Variants in HCRTR2 observed in about 807,000 individuals in gnomAD.
The protein encoded by HCRTR2 is orexin receptor type 2.
In HCRTR2, 22 loss-of-function variants were observed where a neutral mutation model predicts 49.0. The ratio of observed to expected loss-of-function variants is 0.45; its 90% CI spans 0.32 to 0.64. HCRTR2 has a LOEUF of 0.64. Among genes scored for constraint, HCRTR2 ranks in the 30% least tolerant of loss-of-function variants. The pLI, the probability that HCRTR2 is intolerant of heterozygous loss-of-function variation, is 0.04. For missense variants in HCRTR2, 491 were observed against 559.4 expected (o/e 0.88, Z 1.23); for synonymous variants, 236 against 205.3 (o/e 1.15, Z -1.28).
chr6:55,246,598 T>C (rs1766448130), intron 1 of HCRTR2, among the ~76,000 whole-genome samples: 1 of 152,030 alleles, frequency 6.6e-6, no homozygotes, highest in Admixed American at 6.6e-5. Flanking sequence ...TCCTTTTCAT[T>C]TTCTGCTTCA....
chr6:55,179,166 G>A (rs562154518), intron 1 of HCRTR2, among the ~76,000 whole-genome samples: 1 of 152,178 alleles, frequency 6.6e-6, no homozygotes, highest in African/African-American at 2.4e-5. Context: ...TTACTCCTAA[G>A]CCTAGAGACA....
chr6:55,221,768 A>G (rs1021341249), intron 1 of HCRTR2, among the ~76,000 whole-genome samples: 3 of 151,484 alleles, frequency 2.0e-5, no homozygotes, highest in Non-Finnish European at 4.4e-5. Flanking sequence ...AGGTGAGATC[A>G]CGCCACTGCA....
intron 1 of HCRTR2, among the ~76,000 whole-genome samples, chr6:55,180,268 T>C (rs116116626): frequency 0.019 from 2,858 of 152,342 alleles, 45 homozygotes; most frequent in Middle Eastern, 0.058. Flanking sequence ...GTTTCAAATA[T>C]GGATTTAACA....
intron 4 of HCRTR2, among the ~76,000 whole-genome samples, chr6:55,267,150 G>A (rs1339487267): frequency 6.6e-6 from 1 of 152,128 alleles, no homozygotes; most frequent in Admixed American, 6.6e-5. Flanking sequence ...CCAACTGTTA[G>A]TGTCTATAAA....
At chr6:55,273,271 C>T (rs1419590964) in intron 4 of HCRTR2, among the ~76,000 whole-genome samples, 2 of 151,826 alleles carry the variant, frequency 1.3e-5, no homozygotes, top group Non-Finnish European at 2.9e-5. Flanking sequence ...CATAGAAGAC[C>T]GCCAGTGCCT....
chr6:55,203,870 A>C (rs1370946646), intron 1 of HCRTR2, among the ~76,000 whole-genome samples: 1 of 151,420 alleles, frequency 6.6e-6, no homozygotes, highest in Non-Finnish European at 1.5e-5. Flanking sequence ...GTAAGGACTT[A>C]AGGTTTTTTT....
intron 1 of HCRTR2, among the ~76,000 whole-genome samples, chr6:55,165,744 AATATATATATATATATATATATAT>A (rs56655240): frequency 0.028 from 3,596 of 128,472 alleles, 106 homozygotes; most frequent in African/African-American, 0.056. Flanking sequence ...TAGTATACAG[AATATATATATATATATATATATAT>A]ATATATATAT....
chr6:55,223,660 G>A (rs1164992656), intron 1 of HCRTR2, among the ~76,000 whole-genome samples: 1 of 151,870 alleles, frequency 6.6e-6, no homozygotes, highest in Non-Finnish European at 1.5e-5. Context: ...TTTATCACTT[G>A]AGAATATTTT....
intron 1 of HCRTR2, among the ~76,000 whole-genome samples, chr6:55,122,676 A>T (rs1187275186): frequency 1.3e-5 from 2 of 152,076 alleles, no homozygotes; most frequent in Non-Finnish European, 2.9e-5. Context: ...ACATATGTTT[A>T]TTGTGGCACT....
At chr6:55,175,694 A>C (rs1171936225) in intron 1 of HCRTR2, among the ~76,000 whole-genome samples, 1 of 151,928 alleles carries the variant, frequency 6.6e-6, no homozygotes, top group Non-Finnish European at 1.5e-5. Flanking sequence ...CCTCCCCCTA[A>C]ACAATTTCTG....
intron 1 of HCRTR2, among the ~76,000 whole-genome samples, chr6:55,213,082 A>AAG (rs149749358): frequency 0.14 from 20,664 of 152,034 alleles, 1,827 homozygotes; most frequent in East Asian, 0.27. Flanking sequence ...AAAAAAGAGG[A>AAG]AGAGAGAGAG....
chr6:55,206,663 C>T (rs1169331155), intron 1 of HCRTR2, among the ~76,000 whole-genome samples: 1 of 151,776 alleles, frequency 6.6e-6, no homozygotes, highest in Admixed American at 6.6e-5. Flanking sequence ...GTTCTTAGCT[C>T]ATTGTAACTA....
At position 55,272,105 on chromosome 6, in the gene HCRTR2, A is replaced by G. The variant is rs1766984456; in HGVS notation, c.763-5275A>G. Among the ~76,000 whole-genome samples, 3 of 152,184 alleles carry G rather than the reference A, an allele frequency of 2.0e-5. No homozygotes were observed. In the South Asian group the frequency reaches 6.2e-4, roughly 31 times the overall value. ...TTCATAGTAGCCAAAAAGTGGAAACAACCCAAATGTTATCAATGAGTAAAT... is the reference window on the plus strand; with the variant it reads ...TTCATAGTAGCCAAAAAGTGGAAACGACCCAAATGTTATCAATGAGTAAAT... On this transcript the variant is annotated intron_variant, in intron 4 of 6. Coordinates refer to ENST00000370862, the MANE Select transcript of HCRTR2 (RefSeq NM_001384272.1).
At chr6:55,274,740 T>C (rs1474890834) in intron 4 of HCRTR2, among the ~76,000 whole-genome samples, 9 of 152,156 alleles carry the variant, frequency 5.9e-5, no homozygotes, top group African/African-American at 2.2e-4. Flanking sequence ...AGGATTTAAT[T>C]TGATAACATA....
chr6:55,245,385 A>G (rs572661208), intron 1 of HCRTR2, among the ~76,000 whole-genome samples: 30 of 137,414 alleles, frequency 2.2e-4, no homozygotes, highest in South Asian at 7.0e-4. Flanking sequence ...ATATATATAT[A>G]TGTATATATA....
intron 1 of HCRTR2, among the ~76,000 whole-genome samples, chr6:55,176,440 C>T (rs1227190632): frequency 3.9e-5 from 6 of 152,124 alleles, no homozygotes; most frequent in Non-Finnish European, 8.8e-5. Flanking sequence ...TGTTACCCAT[C>T]CTTAGGATTA....
At chr6:55,245,469 TTATATA>T (rs745939954) in intron 1 of HCRTR2, among the ~76,000 whole-genome samples, 1,335 of 56,740 alleles carry the variant, frequency 0.024, 47 homozygotes, top group African/African-American at 0.068. Context: ...TAGGAAGATT[TTATATA>T]TATATATATA....
intron 1 of HCRTR2, among the ~76,000 whole-genome samples, chr6:55,196,761 C>G (rs915789075): frequency 2.0e-5 from 3 of 152,100 alleles, no homozygotes; most frequent in African/African-American, 7.2e-5. Context: ...AGAAGGAAAA[C>G]AAGAAACTCT....
chr6:55,203,655 T>A (rs1158669568), intron 1 of HCRTR2, among the ~76,000 whole-genome samples: 3 of 152,090 alleles, frequency 2.0e-5, no homozygotes, highest in Non-Finnish European at 4.4e-5. Context: ...TAAGGTGACA[T>A]TTGAGCAAAA....
Sources: gnomAD v4.1 joint callset for allele counts (sites outside exome capture counted in the v4.1 genomes callset) on GRCh38, gnomAD v4.1.1 for gene constraint, MANE v1.5 for transcripts, NCBI Gene and HGNC (gene_info 2026-07-23, HGNC 2026-07-21) for gene names.